RBFOX1: variants seen among roughly 807,000 people sequenced by gnomAD.
RBFOX1 encodes RNA binding protein fox-1 homolog 1.
Under a neutral mutation model 57.7 loss-of-function variants are expected in RBFOX1, and 8 were observed. The ratio of observed to expected loss-of-function variants is 0.14; its 90% CI spans 0.08 to 0.25. The LOEUF (loss-of-function observed/expected upper bound fraction) is 0.25, where lower values mean the gene tolerates loss of function less well. RBFOX1 is among the 10% of genes least tolerant of loss of function. RBFOX1 has a pLI of 1.00. For synonymous variants in RBFOX1, 326 were observed against 222.4 expected (o/e 1.47, Z -4.15); for missense variants, 611 against 548.5 (o/e 1.11, Z -1.14).
chr16:6,364,543 C>T (rs894379973), intron 2 of RBFOX1, among the ~76,000 whole-genome samples: 5 of 152,152 alleles, frequency 3.3e-5, no homozygotes, highest in African/African-American at 9.7e-5. Flanking sequence ...TTTTCCCCAG[C>T]GGTGCATGTG....
chr16:6,489,281 ATTATTTTCCTC>A (rs1232958338), intron 2 of RBFOX1, among the ~76,000 whole-genome samples: 1 of 152,086 alleles, frequency 6.6e-6, no homozygotes, highest in East Asian at 1.9e-4. Context: ...TTCAAATGGC[ATTATTTTCCTC>A]TTATCTTTAA....
intron 3 of RBFOX1, among the ~76,000 whole-genome samples, chr16:6,771,187 G>A (rs2078233566): frequency 6.6e-6 from 1 of 152,098 alleles, no homozygotes; most frequent in Admixed American, 6.5e-5. Flanking sequence ...AAGGAAAGAG[G>A]CTTCAGAAGA....
intron 3 of RBFOX1, among the ~76,000 whole-genome samples, chr16:7,027,217 G>GA (rs1201813354): frequency 2.9e-4 from 44 of 152,182 alleles, no homozygotes; most frequent in Middle Eastern, 3.4e-3. Flanking sequence ...CCAGCGCACA[G>GA]AAAAAACTCA....
At chr16:5,578,852 T>TCC (rs2046562326) in intron 2 of RBFOX1, among the ~76,000 whole-genome samples, 3 of 146,942 alleles carry the variant, frequency 2.0e-5, no homozygotes, top group Non-Finnish European at 3.0e-5. Context: ...CCCTTTTTTT[T>TCC]TTTTTTTTTT....
rs983254967 is a variant in RBFOX1 at position 7,575,850 on chromosome 16, G to A, written c.271-3927G>A. 3.3e-5 allele frequency among the ~76,000 whole-genome samples: 5 copies of A among 152,202 alleles called. 1 individual carries two copies. Among genetic ancestry groups the A allele is most frequent in the East Asian group, 3.9e-4 (2 of 5,186 alleles). On this transcript the variant is annotated intron_variant, in intron 5 of 15. Coordinates refer to ENST00000550418, the MANE Select transcript of RBFOX1 (RefSeq NM_018723.4). ...GTGATGATCTCTAACCCCAACATGC[G>A]TTAGGCTCTGAGGTAGCTGCTCTGT...
intron 3 of RBFOX1, among the ~76,000 whole-genome samples, chr16:6,687,001 C>T (rs1277384423): frequency 6.6e-6 from 1 of 152,086 alleles, no homozygotes; most frequent in Non-Finnish European, 1.5e-5. Context: ...AATAATATGT[C>T]GTCATGGAAA....
At chr16:5,867,275 C>G (rs1000955795) in intron 3 of RBFOX1, 4 of 1,172,576 alleles carry the variant, frequency 3.4e-6, no homozygotes, top group Non-Finnish European at 4.3e-6. Flanking sequence ...TGAATCAATA[C>G]TAATGTCTTT....
chr16:6,169,444 A>G (rs1269124185), intron 1 of RBFOX1, among the ~76,000 whole-genome samples: 2 of 151,366 alleles, frequency 1.3e-5, no homozygotes, highest in Admixed American at 6.6e-5. Flanking sequence ...GTTTCTGATG[A>G]AAAAAAAAGC....
intron 4 of RBFOX1, among the ~76,000 whole-genome samples, chr16:5,933,087 C>G (rs867240834): frequency 1.3e-5 from 2 of 152,226 alleles, no homozygotes; most frequent in African/African-American, 2.4e-5. Flanking sequence ...GCTCTGGAAA[C>G]TCACATCAGG....
At chr16:5,567,215 C>G (rs1350613310) in intron 2 of RBFOX1, among the ~76,000 whole-genome samples, 5 of 152,200 alleles carry the variant, frequency 3.3e-5, no homozygotes, top group Non-Finnish European at 1.5e-5. Context: ...AGCCCATGGC[C>G]TTGCAGACAT....
intron 3 of RBFOX1, among the ~76,000 whole-genome samples, chr16:5,748,781 G>T (rs1036172721): frequency 3.3e-5 from 5 of 152,090 alleles, no homozygotes; most frequent in East Asian, 1.9e-4. Context: ...CATGAGATGG[G>T]TTTCCTGAAT....
intron 3 of RBFOX1, among the ~76,000 whole-genome samples, chr16:6,727,687 A>C (rs946211977): frequency 6.6e-6 from 1 of 152,090 alleles, no homozygotes; most frequent in Non-Finnish European, 1.5e-5. Flanking sequence ...TCTACTTACA[A>C]ATGTCCCTGG....
chr16:7,557,533 T>G (rs1318442950), intron 5 of RBFOX1, among the ~76,000 whole-genome samples: 4 of 133,020 alleles, frequency 3.0e-5, no homozygotes, highest in Non-Finnish European at 6.1e-5. Flanking sequence ...GGCAGGAGAG[T>G]CACTTGAACC....
intron 3 of RBFOX1, among the ~76,000 whole-genome samples, chr16:5,772,158 C>A (rs1350088309): frequency 1.3e-5 from 2 of 152,104 alleles, no homozygotes; most frequent in Admixed American, 1.3e-4. Context: ...GGTGACAGAG[C>A]AAGACTCTGT....
chr16:6,297,343 G>T (rs181943964), intron 1 of RBFOX1, among the ~76,000 whole-genome samples: 1 of 152,192 alleles, frequency 6.6e-6, no homozygotes, highest in Non-Finnish European at 1.5e-5. Flanking sequence ...GAGTTGCTCT[G>T]GTTCACACGC....
At chr16:7,357,867 T>C (rs1284977966) in intron 4 of RBFOX1, among the ~76,000 whole-genome samples, 10 of 152,252 alleles carry the variant, frequency 6.6e-5, no homozygotes, top group Non-Finnish European at 1.2e-4. Flanking sequence ...ATGGAAGATA[T>C]TTCTTCAGTC....
At chr16:6,427,874 G>T (rs2093975340) in intron 2 of RBFOX1, among the ~76,000 whole-genome samples, 1 of 152,064 alleles carries the variant, frequency 6.6e-6, no homozygotes, top group African/African-American at 2.4e-5. Context: ...TGTGTGACTG[G>T]GAGCAAATCA....
chr16:6,606,531 A>T (rs1183406400), intron 2 of RBFOX1, among the ~76,000 whole-genome samples: 2 of 151,840 alleles, frequency 1.3e-5, no homozygotes, highest in African/African-American at 4.8e-5. Context: ...CTTCCCCTCT[A>T]CGAGGCCCCA....
chr16:6,808,221 A>G (rs1414804364), intron 3 of RBFOX1, among the ~76,000 whole-genome samples: 2 of 150,260 alleles, frequency 1.3e-5, no homozygotes, highest in East Asian at 3.9e-4. Context: ...AGTATGCACT[A>G]GCTTCCAGCA....
Sources: gnomAD v4.1 joint callset for allele counts (sites outside exome capture counted in the v4.1 genomes callset) on GRCh38, gnomAD v4.1.1 for gene constraint, MANE v1.5 for transcripts, NCBI Gene and HGNC (gene_info 2026-07-23, HGNC 2026-07-21) for gene names.